AGO1: variants seen among roughly 807,000 people sequenced by gnomAD.
AGO1 encodes the protein protein argonaute-1.
In AGO1, 11 loss-of-function variants were observed where a neutral mutation model predicts 109.2. The ratio of observed to expected loss-of-function variants is 0.10; its 90% CI spans 0.06 to 0.17. The LOEUF (loss-of-function observed/expected upper bound fraction) is 0.17. Ranked by LOEUF, AGO1 falls within the 10% of genes least tolerant of loss-of-function variation. AGO1 has a pLI of 1.00. For missense variants in AGO1, 574 were observed against 1,140.3 expected, an observed-to-expected ratio of 0.50 and a Z score of 7.15; for synonymous variants, 422 against 418.6, an observed-to-expected ratio of 1.01 and a Z score of -0.10.
intron 12 of AGO1, among the ~76,000 whole-genome samples, chr1:35,907,580 T>G (rs1645546873): frequency 6.6e-6 from 1 of 152,204 alleles, no homozygotes; most frequent in Admixed American, 6.5e-5. Context: ...AGAATAAGAA[T>G]GATTATATAA....
rs1193238281 is a variant in AGO1, at chr1:35,883,367, C to T, written c.-55C>T. On this transcript the variant is annotated 5_prime_UTR_variant, in exon 1 of 19. Transcript: ENST00000373204. The surrounding 1 kb of genome is among the most constrained non-coding windows in gnomAD (Gnocchi z 5.4). ...GCGAGAGTGTGGGGTACCTAGGCCCCTCACGCTGGACTTCACAGTCTCCGG... is the reference window on the plus strand; with the variant it reads ...GCGAGAGTGTGGGGTACCTAGGCCCTTCACGCTGGACTTCACAGTCTCCGG... 3 of 1,582,106 alleles carry T rather than the reference C, an allele frequency of 1.9e-6. No homozygotes were observed. Among genetic ancestry groups the T allele is most frequent in the Non-Finnish European group, 2.6e-6 (3 of 1,166,402 alleles).
rs1645908448 is a variant in AGO1, at chr1:35,925,404, TTCCTAGCC to T, written c.*5798_*5805del. On this transcript the variant is annotated 3_prime_UTR_variant, in exon 19 of 19. Coordinates refer to ENST00000373204, the MANE Select transcript of AGO1 (RefSeq NM_012199.5). The stretch of plus-strand genomic sequence containing the variant: ...AAAGAATAAACAAAACCTAATTTTG[TTCCTAGCC>T]AATATTATAAACCATGTTCCAGCAT... 1 of 148,972 alleles carries T rather than the reference TTCCTAGCC, an allele frequency of 6.7e-6. No individual in the cohort carries two copies. The highest frequency in any genetic ancestry group is 2.5e-5 in the African/African-American group (1 of 40,066). The allele number at this position is 148,972 out of a possible 1,614,324, so 9.2% of individuals were successfully genotyped here.
intron 1 of AGO1, among the ~76,000 whole-genome samples, chr1:35,871,501 C>A (rs1644951039): frequency 6.6e-6 from 1 of 151,616 alleles, no homozygotes; most frequent in African/African-American, 2.4e-5. Context: ...AGAGATCTAG[C>A]CACTGCACTC....
chr1:35,902,356 A>G lies in AGO1; in HGVS notation c.1397+19A>G. 3 of 1,610,346 alleles carry G rather than the reference A, an allele frequency of 1.9e-6. No individual in the cohort carries two copies. Among genetic ancestry groups the G allele is most frequent in the Non-Finnish European group, 2.5e-6 (3 of 1,178,006 alleles). On this transcript the variant is annotated intron_variant, in intron 11 of 18. Coordinates refer to ENST00000373204, the MANE Select transcript of AGO1 (RefSeq NM_012199.5). ...TGCTCAAGTAAGGAGGGTTCGCTGT[A>G]GGGGTGGAAGGGTGGGAAGGACCCT...
In AGO1 at chr1:35,919,449, A is replaced by G. The variant is rs750538481; in HGVS notation, c.2466-50A>G. ...CCCAGGGCTGGGCGAGGGAATTAGC[A>G]GCAGCTCTCAGTTCACCAGGAAGGA... On this transcript the variant is annotated intron_variant, in intron 18 of 18. Coordinates refer to ENST00000373204, the MANE Select transcript of AGO1 (RefSeq NM_012199.5). This position sits in a 1 kb window ranked among gnomAD's most constrained non-coding sequence, Gnocchi z 6.6. 10 of 1,550,878 alleles carry G rather than the reference A, an allele frequency of 6.4e-6. No homozygotes were observed. Among genetic ancestry groups the G allele is most frequent in the Non-Finnish European group, 3.5e-6 (4 of 1,137,758 alleles).
At chr1:35,877,700 A>AT (rs543407844) in intron 1 of AGO1, among the ~76,000 whole-genome samples, 310 of 149,178 alleles carry the variant, frequency 2.1e-3, no homozygotes, top group Middle Eastern at 3.5e-3. Context: ...AATATTAGTA[A>AT]TTTTTTTTTT....
chr1:35,900,291 C>T (rs1180875568), intron 8 of AGO1, among the ~76,000 whole-genome samples: 1 of 152,188 alleles, frequency 6.6e-6, no homozygotes, highest in African/African-American at 2.4e-5. Context: ...GTTCAGTATT[C>T]AGAAGAGCTC....
intron 1 of AGO1, among the ~76,000 whole-genome samples, chr1:35,874,485 A>G (rs1393998518): frequency 2.0e-5 from 3 of 152,136 alleles, no homozygotes; most frequent in African/African-American, 4.8e-5. Context: ...CCTTATGTGT[A>G]TTCTAAATGC....
rs1457339456 is a variant in AGO1, at chr1:35,883,617, AAG to A, written c.25+176_25+177del. The stretch of plus-strand genomic sequence containing the variant: ...TGCAGTTCCGGGGGAGAACCATGTG[AAG>A]AGAGCCCTGAGATGGGGGCTGTTTG... On this transcript the variant is annotated intron_variant, in intron 1 of 18. Transcript: ENST00000373204. The surrounding 1 kb of genome is among the most constrained non-coding windows in gnomAD (Gnocchi z 5.4). 2.0e-5 allele frequency among the ~76,000 whole-genome samples: 3 copies of A among 152,160 alleles called. No individual in the cohort carries two copies. The highest frequency in any genetic ancestry group is 2.9e-5 in the Non-Finnish European group (2 of 68,018).
rs530183670 is a variant in AGO1 at position 35,929,262 on chromosome 1, G to A, written c.*9655G>A. On this transcript the variant is annotated 3_prime_UTR_variant, in exon 19 of 19. Coordinates refer to ENST00000373204, the MANE Select transcript of AGO1 (RefSeq NM_012199.5). The stretch of plus-strand genomic sequence containing the variant: ...TACTTCTTGATATTACAAATCATGA[G>A]CCTTTCACATGCATTGACTCTAAAG... The A allele has an allele frequency of 6.6e-6, 1 of 152,362 alleles. No homozygotes were observed. Among genetic ancestry groups the A allele is most frequent in the South Asian group, 2.1e-4 (1 of 4,826 alleles). The allele number at this position is 152,362 out of a possible 1,614,324, so 9.4% of individuals were successfully genotyped here.
At chr1:35,907,156 A>T in intron 12 of AGO1, 37 bp downstream of exon 12, 2 of 1,570,288 alleles carry the variant, frequency 1.3e-6, no homozygotes, top group Non-Finnish European at 1.7e-6. Context: ...TGGTGATAGG[A>T]CTCTTCTCAG....
chr1:35,907,864 C>T (rs1257638435), intron 12 of AGO1, among the ~76,000 whole-genome samples: 2 of 152,182 alleles, frequency 1.3e-5, no homozygotes, highest in Non-Finnish European at 2.9e-5. Context: ...GTGGTTCACA[C>T]CTGTAATCCC....
intron 8 of AGO1, among the ~76,000 whole-genome samples, chr1:35,900,766 G>A (rs891640085): frequency 1.3e-5 from 2 of 151,206 alleles, no homozygotes; most frequent in African/African-American, 4.9e-5. Flanking sequence ...AAAAATTAGC[G>A]AGGCATGGTG....
At chr1:35,881,006 G>T (rs72661611), upstream of AGO1, among the ~76,000 whole-genome samples, 1 of 152,248 alleles carries the variant, frequency 6.6e-6, no homozygotes, top group East Asian at 1.9e-4. Context: ...CACAACAACC[G>T]AATGAGGTAG....
rs2148723971 is a variant in AGO1 at position 35,915,480 on chromosome 1, C to T, written c.1966C>T (p.Arg656Cys). ...CCTCATCCAATTCTACAAGTCCACC[C>T]GTTTCAAGCCTACCCGCATCATCTT... The part of the protein sequence containing the change: ...ELLIQFYKST[R>C]FKPTRIIFYR... The change falls in exon 15 of 19, where the codon CGT (arginine) becomes TGT (cysteine). Residue 656 changes from arginine (R) to cysteine (C), a missense_variant. Arg to Cys is a radical substitution (Grantham distance 180, BLOSUM62 -3). Coordinates refer to ENST00000373204, the MANE Select transcript of AGO1 (RefSeq NM_012199.5). 2 of 1,614,142 alleles carry T rather than the reference C, an allele frequency of 1.2e-6. No individual in the cohort carries two copies. Among genetic ancestry groups the T allele is most frequent in the African/African-American group, 1.3e-5 (1 of 75,040 alleles).
At chr1:35,890,478 A>G (rs1259674596) in intron 2 of AGO1, among the ~76,000 whole-genome samples, 1 of 152,196 alleles carries the variant, frequency 6.6e-6, no homozygotes, top group Non-Finnish European at 1.5e-5. Flanking sequence ...TTTTGAAGAT[A>G]TTACATACCG....
chr1:35,894,190 G>T lies in AGO1; in HGVS notation c.784+19G>T, dbSNP rs200323358. ...ATCAAGGGTGAGGACCCAACAGGAG[G>T]GGAAGGGAAACAGCGCCACTTTAGC... is the stretch of plus-strand genomic sequence containing the variant. On this transcript the variant is annotated intron_variant, in intron 6 of 18. Coordinates refer to ENST00000373204, the MANE Select transcript of AGO1 (RefSeq NM_012199.5). 1 of 1,568,460 alleles carries T rather than the reference G, an allele frequency of 6.4e-7. No homozygotes were observed. Among genetic ancestry groups the T allele is most frequent in the Admixed American group, 1.8e-5 (1 of 54,840 alleles).
chr1:35,879,988 G>A (rs1221441587), upstream of AGO1, among the ~76,000 whole-genome samples: 1 of 152,060 alleles, frequency 6.6e-6, no homozygotes, highest in Non-Finnish European at 1.5e-5. Context: ...CTTATGGAAT[G>A]CTGAGGTTCC....
chr1:35,873,237 C>T (rs1187960503), intron 1 of AGO1: 1 of 152,310 alleles, frequency 6.6e-6, no homozygotes, highest in African/African-American at 2.4e-5. Flanking sequence ...AAAAAAGAAT[C>T]TCTCTCTTTT....
Sources: gnomAD v4.1 joint callset for allele counts (sites outside exome capture counted in the v4.1 genomes callset) on GRCh38, gnomAD v4.1.1 for gene constraint, Gnocchi (gnomAD v3.1) non-coding constraint, MANE v1.5 for transcripts, NCBI Gene and HGNC (gene_info 2026-07-23, HGNC 2026-07-21) for gene names.